The following RNF220 variants were observed in gnomAD, a reference collection of about 807,000 sequenced individuals.
The protein encoded by RNF220 is ring finger protein 220, also known as E3 ubiquitin-protein ligase RNF220.
Under a neutral mutation model 67.1 loss-of-function variants are expected in RNF220, and 7 were observed. That is an observed-to-expected ratio of 0.10 (90% CI 0.06 to 0.20). The LOEUF is 0.20. Ranked by LOEUF, RNF220 falls within the 10% of genes least tolerant of loss-of-function variation. The probability of loss-of-function intolerance (pLI) is 1.00; values close to 1 mark genes in which losing one functional copy is unlikely to be tolerated. For synonymous variants in RNF220, 270 were observed against 283.2 expected (o/e 0.95, Z 0.47); for missense variants, 565 against 740.3 (o/e 0.76, Z 2.75).
chr1:44,622,596 T>C lies in RNF220; in HGVS notation c.759-146T>C, dbSNP rs1643844578. 1.5e-6 allele frequency: 1 copy of C among 668,610 alleles called. No individual in the cohort carries two copies. The highest frequency in any genetic ancestry group is 2.5e-5 in the Admixed American group (1 of 40,146). 41.4% of individuals were successfully genotyped at this position (668,610 alleles called of 1,614,324 possible). ...CATGAGAGAGGCTGGGCCACTGGGA[T>C]TGAAAGGACTGGGTGGAGCTTGGCT... On this transcript the variant is annotated intron_variant, in intron 3 of 14. Transcript: ENST00000361799. The surrounding 1 kb of genome is among the most constrained non-coding windows in gnomAD (Gnocchi z 4.3).
chr1:44,500,923 G>T lies in RNF220; in HGVS notation c.625+88201G>T, dbSNP rs188360840. Among the ~76,000 whole-genome samples the T allele has an allele frequency of 6.4e-3, 969 of 152,312 alleles. 11 individuals are homozygous for T. The highest frequency in any genetic ancestry group is 0.022 in the African/African-American group (912 of 41,568). On this transcript the variant is annotated intron_variant, in intron 2 of 14. Coordinates refer to ENST00000361799, the MANE Select transcript of RNF220 (RefSeq NM_018150.4). Reference sequence around the variant, plus strand: ...GGGAGCCAGGGGCGAAGCACCCTTCGGGCATAGACGGGCCCTTGGCTCTTC... The same window carrying T: ...GGGAGCCAGGGGCGAAGCACCCTTCTGGCATAGACGGGCCCTTGGCTCTTC...
chr1:44,573,785 A>G (rs745716562), intron 2 of RNF220, among the ~76,000 whole-genome samples: 1 of 152,174 alleles, frequency 6.6e-6, no homozygotes, highest in African/African-American at 2.4e-5. Context: ...AATCATCCCT[A>G]TGTCCTCTTA....
chr1:44,427,119 G>GTT (rs1189881168), intron 2 of RNF220, among the ~76,000 whole-genome samples: 1 of 152,166 alleles, frequency 6.6e-6, no homozygotes, highest in Non-Finnish European at 1.5e-5. Context: ...CGAGATAGGT[G>GTT]TTATCTCCAT....
chr1:44,610,184 G>C (rs563061999), intron 2 of RNF220, among the ~76,000 whole-genome samples: 1 of 152,328 alleles, frequency 6.6e-6, no homozygotes, highest in South Asian at 2.1e-4. Flanking sequence ...TTCCCCCCAC[G>C]CACTCACACA....
intron 2 of RNF220, among the ~76,000 whole-genome samples, chr1:44,497,837 A>G (rs1037491896): frequency 6.6e-6 from 1 of 152,200 alleles, no homozygotes; most frequent in African/African-American, 2.4e-5. Context: ...TTCTGCTGGA[A>G]GTTGCTTCCT....
At chr1:44,475,979 A>T (rs1572620753) in intron 2 of RNF220, among the ~76,000 whole-genome samples, 2 of 151,416 alleles carry the variant, frequency 1.3e-5, no homozygotes, top group African/African-American at 4.9e-5. Flanking sequence ...CAGCCTAGTA[A>T]TAGAGCAAGA....
At chr1:44,534,059 T>C (rs369678604) in intron 2 of RNF220, among the ~76,000 whole-genome samples, 1 of 152,164 alleles carries the variant, frequency 6.6e-6, no homozygotes, top group African/African-American at 2.4e-5. Flanking sequence ...TACTATACCT[T>C]GGCCTCCCGG....
intron 2 of RNF220, among the ~76,000 whole-genome samples, chr1:44,591,370 T>C (rs538647879): frequency 4.5e-4 from 68 of 152,386 alleles, no homozygotes; most frequent in African/African-American, 1.6e-3. Context: ...CTATCGTCCA[T>C]GCGCAATGCC....
chr1:44,449,444 C>G (rs1262101957), intron 2 of RNF220, among the ~76,000 whole-genome samples: 1 of 150,772 alleles, frequency 6.6e-6, no homozygotes, highest in East Asian at 1.9e-4. Flanking sequence ...TTTTTTTCCT[C>G]ACCCTGTCAC....
intron 2 of RNF220, among the ~76,000 whole-genome samples, chr1:44,546,561 C>T (rs1384390708): frequency 3.3e-5 from 5 of 152,156 alleles, no homozygotes; most frequent in Non-Finnish European, 5.9e-5. Context: ...TTGAATTTTC[C>T]ATGAAATGTT....
rs79977758 is a variant in RNF220, at chr1:44,556,922, C to A, written c.626-57243C>A. Among the ~76,000 whole-genome samples the A allele has an allele frequency of 5.8e-4, 88 of 151,864 alleles. 2 individuals are homozygous for A. In the East Asian group the frequency reaches 0.015, roughly 26 times the overall value. On this transcript the variant is annotated intron_variant, in intron 2 of 14. Transcript: ENST00000361799. ...AGATGTTGCTAGACAGGGAGGGGAACCCATGGTGCTCACTATATCACTGAG... is the reference window on the plus strand; with the variant it reads ...AGATGTTGCTAGACAGGGAGGGGAAACCATGGTGCTCACTATATCACTGAG...
intron 2 of RNF220, among the ~76,000 whole-genome samples, chr1:44,475,057 A>T (rs988733429): frequency 6.6e-6 from 1 of 151,774 alleles, no homozygotes; most frequent in Non-Finnish European, 1.5e-5. Context: ...CTGTTGAAAG[A>T]TATGTGGGTA....
rs562204224 is a variant in RNF220, at chr1:44,637,249, A to G, written c.1126+1087A>G. ...AAGGGGCTAAGAGCCCAGATGAGAC[A>G]TTATGCCTCTGGGCGTCTCTCACAT... On this transcript the variant is annotated intron_variant, in intron 8 of 14. Transcript: ENST00000361799. Among the ~76,000 whole-genome samples, 3 of 152,322 alleles carry G rather than the reference A, an allele frequency of 2.0e-5. No individual in the cohort carries two copies. The South Asian group carries it at 6.2e-4, about 32-fold the overall frequency.
At chr1:44,629,231 C>T (rs1322685729) in intron 5 of RNF220, among the ~76,000 whole-genome samples, 9 of 152,370 alleles carry the variant, frequency 5.9e-5, no homozygotes, top group Middle Eastern at 6.8e-3. Context: ...ATCTGGAACT[C>T]ACACATCACT....
At chr1:44,532,491 C>T (rs1231103904) in intron 2 of RNF220, among the ~76,000 whole-genome samples, 1 of 152,106 alleles carries the variant, frequency 6.6e-6, no homozygotes, top group East Asian at 1.9e-4. Flanking sequence ...TGGTTTATTC[C>T]TTATTAAAAC....
intron 2 of RNF220, among the ~76,000 whole-genome samples, chr1:44,457,348 AT>A (rs368392892): frequency 1.3e-3 from 195 of 152,316 alleles, no homozygotes; most frequent in Non-Finnish European, 2.1e-3. Context: ...GCCCAGAACT[AT>A]TTGTTGAATG....
chr1:44,646,576 A>G (rs1644655749), intron 12 of RNF220, among the ~76,000 whole-genome samples: 1 of 152,196 alleles, frequency 6.6e-6, no homozygotes, highest in South Asian at 2.1e-4. Context: ...GCGGGGTTGT[A>G]AGGGGCACCC....
At chr1:44,552,780 A>G (rs1320961396) in intron 2 of RNF220, among the ~76,000 whole-genome samples, 1 of 151,920 alleles carries the variant, frequency 6.6e-6, no homozygotes, top group African/African-American at 2.4e-5. Context: ...CTTGTTAGCC[A>G]GGATGGCCTC....
chr1:44,577,616 C>A (rs984391962), intron 2 of RNF220, among the ~76,000 whole-genome samples: 2 of 152,158 alleles, frequency 1.3e-5, no homozygotes, highest in African/African-American at 4.8e-5. Flanking sequence ...GGGAAACAGA[C>A]AATGAAAAGA....
Sources: allele counts gnomAD v4.1 joint callset (sites outside exome capture counted in the v4.1 genomes callset), GRCh38; gene constraint gnomAD v4.1.1; non-coding constraint Gnocchi (gnomAD v3.1); transcripts MANE v1.5; gene names NCBI Gene and HGNC (gene_info 2026-07-23, HGNC 2026-07-21).